Variants in FBXL7 observed in about 807,000 individuals in gnomAD.
FBXL7 encodes the protein F-box/LRR-repeat protein 7.
FBXL7 carries 12 observed loss-of-function variants against 38.3 expected under a neutral mutation model. The ratio of observed to expected loss-of-function variants is 0.31; its 90% CI spans 0.20 to 0.51. FBXL7 has a LOEUF of 0.51. Ranked by LOEUF, FBXL7 falls within the 20% of genes least tolerant of loss-of-function variation. The pLI is 0.98. For synonymous variants in FBXL7, 297 were observed against 300.9 expected (o/e 0.99, Z 0.13); for missense variants, 567 against 676.4 (o/e 0.84, Z 1.79).
intron 1 of FBXL7, among the ~76,000 whole-genome samples, chr5:15,605,539 C>A (rs987913259): frequency 2.6e-5 from 4 of 151,976 alleles, no homozygotes; most frequent in African/African-American, 4.8e-5. Flanking sequence ...CAGGCAAATT[C>A]ATAGAGATCA....
chr5:15,609,829 A>G (rs139810995), intron 1 of FBXL7, among the ~76,000 whole-genome samples: 1 of 152,198 alleles, frequency 6.6e-6, no homozygotes, highest in East Asian at 1.9e-4. Context: ...TAGCATAGGG[A>G]CTGAGGTGAC....
intron 2 of FBXL7, among the ~76,000 whole-genome samples, chr5:15,750,055 G>C (rs1485536965): frequency 1.3e-5 from 2 of 152,166 alleles, no homozygotes; most frequent in Non-Finnish European, 2.9e-5. Context: ...TAATATCTTT[G>C]AGATGAGGAT....
intron 2 of FBXL7, among the ~76,000 whole-genome samples, chr5:15,712,091 T>C (rs534617993): frequency 6.6e-6 from 1 of 152,304 alleles, no homozygotes; most frequent in Non-Finnish European, 1.5e-5. Context: ...GCTTATGTTA[T>C]CTTTCACAGA....
At chr5:15,878,477 C>G (rs940373676) in intron 2 of FBXL7, among the ~76,000 whole-genome samples, 2 of 152,168 alleles carry the variant, frequency 1.3e-5, no homozygotes, top group African/African-American at 4.8e-5. Context: ...TCGATTTAAT[C>G]TTCATAGCCC....
At chr5:15,578,953 G>A (rs1739051093) in intron 1 of FBXL7, among the ~76,000 whole-genome samples, 1 of 152,196 alleles carries the variant, frequency 6.6e-6, no homozygotes, top group African/African-American at 2.4e-5. Context: ...GATTCCAAGT[G>A]AGCCTGCATG....
At chr5:15,835,306 C>CA (rs1036714973) in intron 2 of FBXL7, among the ~76,000 whole-genome samples, 1 of 151,988 alleles carries the variant, frequency 6.6e-6, no homozygotes, top group African/African-American at 2.4e-5. Flanking sequence ...AGCACCAATG[C>CA]AAAATGCAAG....
chr5:15,522,857 A>T (rs983473612), intron 1 of FBXL7, among the ~76,000 whole-genome samples: 2 of 152,112 alleles, frequency 1.3e-5, no homozygotes, highest in African/African-American at 4.8e-5. Flanking sequence ...TCTAGCAAAA[A>T]CTCTAAGGTA....
intron 2 of FBXL7, among the ~76,000 whole-genome samples, chr5:15,670,983 C>A (rs1742452482): frequency 6.6e-6 from 1 of 152,090 alleles, no homozygotes; most frequent in African/African-American, 2.4e-5. Context: ...ACATGAGTTG[C>A]TTTGCCTTCT....
chr5:15,794,865 T>A (rs2126734907), intron 2 of FBXL7, among the ~76,000 whole-genome samples: 1 of 152,326 alleles, frequency 6.6e-6, no homozygotes, highest in South Asian at 2.1e-4. Context: ...AAAAGGTTTT[T>A]CCTCTATAGT....
At chr5:15,804,878 A>G (rs1472774034) in intron 2 of FBXL7, among the ~76,000 whole-genome samples, 2 of 152,196 alleles carry the variant, frequency 1.3e-5, no homozygotes, top group African/African-American at 4.8e-5. Flanking sequence ...ACTGCCTTCC[A>G]CAAAACCAGC....
chr5:15,541,465 A>G (rs1737750078), intron 1 of FBXL7, among the ~76,000 whole-genome samples: 5 of 124,886 alleles, frequency 4.0e-5, no homozygotes, highest in Admixed American at 8.1e-5. Flanking sequence ...ATATATATAT[A>G]TATATATATA....
intron 2 of FBXL7, among the ~76,000 whole-genome samples, chr5:15,913,947 A>G (rs1386976820): frequency 3.3e-5 from 5 of 152,104 alleles, no homozygotes; most frequent in Middle Eastern, 3.4e-3. Flanking sequence ...TGGGGAGGGC[A>G]GGGGGACAGG....
chr5:15,677,513 A>C (rs1742703064), intron 2 of FBXL7, among the ~76,000 whole-genome samples: 2 of 151,874 alleles, frequency 1.3e-5, no homozygotes, highest in African/African-American at 4.8e-5. Flanking sequence ...GAAGAAAGGA[A>C]AGAAGGAGAA....
At chr5:15,806,338 C>T (rs972567498) in intron 2 of FBXL7, among the ~76,000 whole-genome samples, 2 of 152,094 alleles carry the variant, frequency 1.3e-5, no homozygotes, top group African/African-American at 4.8e-5. Flanking sequence ...GATGATTCAT[C>T]TCAAAATTAC....
chr5:15,653,032 TAAAAA>T (rs746971238), intron 2 of FBXL7, among the ~76,000 whole-genome samples: 231 of 152,210 alleles, frequency 1.5e-3, no homozygotes, highest in Non-Finnish European at 2.5e-3. Flanking sequence ...AATTAAAAAT[TAAAAA>T]CAAAAACAAA....
chr5:15,781,094 G>A (rs1457695205), intron 2 of FBXL7, among the ~76,000 whole-genome samples: 1 of 152,096 alleles, frequency 6.6e-6, no homozygotes, highest in African/African-American at 2.4e-5. Flanking sequence ...CTCTCTTCCC[G>A]GTACCACAAT....
At chr5:15,623,897 T>G (rs1350808868) in intron 2 of FBXL7, among the ~76,000 whole-genome samples, 1 of 152,232 alleles carries the variant, frequency 6.6e-6, no homozygotes, top group Non-Finnish European at 1.5e-5. Flanking sequence ...TCAGTTGGGC[T>G]GTATTTCATG....
At chr5:15,579,570 T>G (rs775293217) in intron 1 of FBXL7, among the ~76,000 whole-genome samples, 1 of 152,234 alleles carries the variant, frequency 6.6e-6, no homozygotes, top group African/African-American at 2.4e-5. Context: ...CTGGTCTGTT[T>G]ATCATTGTGT....
intron 2 of FBXL7, among the ~76,000 whole-genome samples, chr5:15,654,701 C>G (rs1444030241): frequency 2.0e-5 from 3 of 152,222 alleles, no homozygotes; most frequent in African/African-American, 7.2e-5. Context: ...GTTTGGCCTC[C>G]TGTAGCACTG....
Sources: allele counts gnomAD v4.1 joint callset (sites outside exome capture counted in the v4.1 genomes callset), GRCh38; gene constraint gnomAD v4.1.1; transcripts MANE v1.5; gene names NCBI Gene and HGNC (gene_info 2026-07-23, HGNC 2026-07-21).